Variants in KCNMA1 observed in about 807,000 individuals in gnomAD.
KCNMA1 encodes potassium calcium-activated channel subfamily M alpha 1.
In KCNMA1, 29 loss-of-function variants were observed where a neutral mutation model predicts 140.0. The observed-to-expected ratio is 0.21, with a 90% CI of 0.15 to 0.28. The LOEUF is 0.28. KCNMA1 is among the 10% of genes least tolerant of loss of function. The pLI is 1.00. For synonymous variants in KCNMA1, 612 were observed against 611.9 expected, an observed-to-expected ratio of 1.00 and a Z score of 0.00; for missense variants, 880 against 1,602.2, an observed-to-expected ratio of 0.55 and a Z score of 7.70.
chr10:77,470,484 G>A (rs1014552876), intron 1 of KCNMA1, among the ~76,000 whole-genome samples: 1 of 152,076 alleles, frequency 6.6e-6, no homozygotes, highest in Non-Finnish European at 1.5e-5. Flanking sequence ...CAGTGCTGCC[G>A]GAAGATCCTG....
At chr10:77,052,339 C>T (rs888749900) in intron 14 of KCNMA1, among the ~76,000 whole-genome samples, 2 of 152,098 alleles carry the variant, frequency 1.3e-5, no homozygotes, top group African/African-American at 4.8e-5. Context: ...TTTGAGGGGA[C>T]ATGATGGTCT....
intron 1 of KCNMA1, among the ~76,000 whole-genome samples, chr10:77,603,187 C>T (rs1256524639): frequency 1.3e-5 from 2 of 152,158 alleles, no homozygotes; most frequent in Non-Finnish European, 1.5e-5. Context: ...CCCCTGGTGC[C>T]CTCAGGGCTC....
At chr10:77,361,822 C>G (rs943143366) in intron 2 of KCNMA1, among the ~76,000 whole-genome samples, 1 of 152,202 alleles carries the variant, frequency 6.6e-6, no homozygotes, top group Non-Finnish European at 1.5e-5. Flanking sequence ...CAAGAGCTGC[C>G]CAGGCTGATA....
At chr10:77,426,289 A>G (rs1373274855) in intron 1 of KCNMA1, among the ~76,000 whole-genome samples, 1 of 152,084 alleles carries the variant, frequency 6.6e-6, no homozygotes, top group Non-Finnish European at 1.5e-5. Flanking sequence ...CACTCATATA[A>G]AGCTTATATG....
chr10:77,634,757 G>T (rs1016875408), intron 1 of KCNMA1: 6 of 452,442 alleles, frequency 1.3e-5, no homozygotes, highest in African/African-American at 4.6e-5. Context: ...CAAATACTTG[G>T]AAAGAAAAAA....
At chr10:77,137,433 A>G (rs1439888307) in intron 5 of KCNMA1, among the ~76,000 whole-genome samples, 2 of 152,182 alleles carry the variant, frequency 1.3e-5, no homozygotes, top group African/African-American at 4.8e-5. Flanking sequence ...CTGGCCTTGC[A>G]GCTCAGAGGG....
intron 2 of KCNMA1, among the ~76,000 whole-genome samples, chr10:77,336,901 CA>C (rs1395183608): frequency 6.6e-6 from 1 of 152,214 alleles, no homozygotes; most frequent in African/African-American, 2.4e-5. Context: ...GAACCATTGT[CA>C]AAAGCATTGT....
chr10:77,008,279 T>C, intron 18 of KCNMA1: 1 of 1,406,552 alleles, frequency 7.1e-7, no homozygotes, highest in Non-Finnish European at 9.6e-7. Flanking sequence ...TGTCAATGAT[T>C]TGAAGTCAAA....
chr10:76,938,040 A>C (rs978059967), intron 23 of KCNMA1, among the ~76,000 whole-genome samples: 8 of 151,994 alleles, frequency 5.3e-5, no homozygotes, highest in Non-Finnish European at 1.0e-4. Context: ...GACATTCGGG[A>C]CAGGCTCAGC....
At chr10:77,174,402 T>G (rs2098735303) in intron 5 of KCNMA1, among the ~76,000 whole-genome samples, 1 of 152,162 alleles carries the variant, frequency 6.6e-6, no homozygotes, top group Non-Finnish European at 1.5e-5. Context: ...AAAGCCATGG[T>G]GTGTGCTGTC....
At chr10:77,451,044 C>T (rs1042182879) in intron 1 of KCNMA1, among the ~76,000 whole-genome samples, 12 of 152,134 alleles carry the variant, frequency 7.9e-5, no homozygotes, top group African/African-American at 2.7e-4. Context: ...GTGAGGCTTC[C>T]CCAGCCATGT....
At chr10:77,423,215 CT>C (rs1417107874) in intron 1 of KCNMA1, among the ~76,000 whole-genome samples, 1 of 152,182 alleles carries the variant, frequency 6.6e-6, no homozygotes, top group Non-Finnish European at 1.5e-5. Context: ...ATTTTTTACT[CT>C]TAAAAAAATG....
intron 23 of KCNMA1, among the ~76,000 whole-genome samples, chr10:76,936,617 A>C (rs114744748): frequency 6.6e-6 from 1 of 152,142 alleles, no homozygotes; most frequent in East Asian, 1.9e-4. Context: ...AGCTGAAAAA[A>C]TTCTTCTCTG....
At chr10:77,434,634 C>T (rs1020083444) in intron 1 of KCNMA1, among the ~76,000 whole-genome samples, 1 of 152,202 alleles carries the variant, frequency 6.6e-6, no homozygotes, top group Non-Finnish European at 1.5e-5. Context: ...GGAACAGGTG[C>T]TCCATCAATA....
intron 5 of KCNMA1, among the ~76,000 whole-genome samples, chr10:77,148,525 C>G (rs372779077): frequency 7.9e-6 from 1 of 126,362 alleles, no homozygotes; most frequent in African/African-American, 2.7e-5. Context: ...AAATGAAGTA[C>G]TTGTTTTGGG....
intron 19 of KCNMA1, among the ~76,000 whole-genome samples, chr10:76,975,009 C>T (rs750129553): frequency 1.3e-5 from 2 of 152,246 alleles, no homozygotes; most frequent in Non-Finnish European, 2.9e-5. Context: ...CTCGAACTGC[C>T]GGCTTGGTCA....
At chr10:77,637,169 AGGCAC>A in intron 1 of KCNMA1, 91 bp downstream of exon 1, 1 of 1,279,644 alleles carries the variant, frequency 7.8e-7, no homozygotes. Context: ...GGATGGAGGG[AGGCAC>A]GGCGCGGCGC....
chr10:77,509,328 A>G (rs67680821), intron 1 of KCNMA1, among the ~76,000 whole-genome samples: 23,043 of 152,128 alleles, frequency 0.15, 2,052 homozygotes, highest in Middle Eastern at 0.25. Context: ...CATGTTGACC[A>G]GGCTAGTCTC....
At chr10:77,522,520 G>T (rs568819534) in intron 1 of KCNMA1, among the ~76,000 whole-genome samples, 1 of 152,192 alleles carries the variant, frequency 6.6e-6, no homozygotes, top group South Asian at 2.1e-4. Flanking sequence ...GTCAGAAAAG[G>T]CAAGCTGGAT....
Sources: allele counts gnomAD v4.1 joint callset (sites outside exome capture counted in the v4.1 genomes callset), GRCh38; gene constraint gnomAD v4.1.1; transcripts MANE v1.5; gene names NCBI Gene and HGNC (gene_info 2026-07-23, HGNC 2026-07-21).